KCNV2: variants seen among roughly 807,000 people sequenced by gnomAD.
The protein encoded by KCNV2 is potassium voltage-gated channel subfamily V member 2.
KCNV2 carries 65 observed loss-of-function variants against 37.0 expected under a neutral mutation model. The ratio of observed to expected loss-of-function variants is 1.76; its 90% CI spans 1.44 to 2.16. The LOEUF (loss-of-function observed/expected upper bound fraction) is 2.16. KCNV2 is among the 30% of genes most tolerant of loss of function. The pLI, the probability that KCNV2 is intolerant of heterozygous loss-of-function variation, is 0.00. For missense variants in KCNV2, 1,232 were observed against 766.7 expected (o/e 1.61, Z -7.17); for synonymous variants, 518 against 328.6 (o/e 1.58, Z -6.23).
rs749834841 is a variant in KCNV2 at position 2,718,418 on chromosome 9, G to A, written c.679G>A (p.Glu227Lys). 6.9e-6 allele frequency: 11 copies of A among 1,603,660 alleles called. No homozygotes were observed. The African/African-American group carries it at 1.1e-4, about 16-fold the overall frequency. ...CGAGCTGCGCGCGCAGGCGCAGGTC[G>A]AGGAGGCGGAGGAACTCTTCCGCGA... is the stretch of plus-strand genomic sequence containing the variant. ...QHELRAQAQV[E>K]EAEELFRDMR... Residue 227 changes from glutamate (E) to lysine (K), a missense_variant, in exon 1 of 2, where the codon GAG becomes AAG. Physicochemically the swap from Glu to Lys is moderately conservative, Grantham distance 56. Coordinates refer to ENST00000382082, the MANE Select transcript of KCNV2 (RefSeq NM_133497.4).
In KCNV2 at chr9:2,718,472, C is replaced by A. The variant is rs750673505; in HGVS notation, c.733C>A (p.Arg245Ser). ...GCGCTTCTACGGCCCGCAGCGGCGC[C>A]GCCTCTGGAACCTCATGGAGAAGCC... ...DMRFYGPQRR[R>S]LWNLMEKPFS... Residue 245 changes from arginine (R) to serine (S), a missense_variant, in exon 1 of 2, where the codon CGC becomes AGC. Transcript: ENST00000382082. 6.2e-7 allele frequency: 1 copy of A among 1,609,706 alleles called. No individual in the cohort carries two copies. Among genetic ancestry groups the A allele is most frequent in the Non-Finnish European group, 8.5e-7 (1 of 1,178,706 alleles).
At position 2,718,662 on chromosome 9, in the gene KCNV2, T is replaced by C. The variant is rs747692514; in HGVS notation, c.923T>C (p.Leu308Pro). ...LRPILEHVEM[L>P]CMGFFTLEYL... ...CCCATCCTGGAGCACGTGGAGATGC[T>C]GTGCATGGGCTTCTTCACGCTCGAG... Residue 308 changes from leucine (L) to proline (P), a missense_variant, in exon 1 of 2, where the codon CTG (leucine) becomes CCG (proline). Coordinates refer to ENST00000382082, the MANE Select transcript of KCNV2 (RefSeq NM_133497.4). 2.5e-6 allele frequency: 4 copies of C among 1,613,238 alleles called. No individual in the cohort carries two copies. Among genetic ancestry groups the C allele is most frequent in the East Asian group, 2.2e-5 (1 of 44,864 alleles).
chr9:2,724,886 G>A (rs1819944835), intron 1 of KCNV2, among the ~76,000 whole-genome samples: 1 of 152,222 alleles, frequency 6.6e-6, no homozygotes, highest in Admixed American at 6.5e-5. Context: ...TTGGGACTAA[G>A]AGACAACATA....
Position 2,718,443 on chromosome 9 carries a change from A to C in KCNV2, c.704A>C (p.Asp235Ala). ...QVEEAEELFR[D>A]MRFYGPQRRR... ...GAGGAGGCGGAGGAACTCTTCCGCG[A>C]CATGCGCTTCTACGGCCCGCAGCGG... is the stretch of plus-strand genomic sequence containing the variant. The change falls in exon 1 of 2, where the codon GAC (aspartate) becomes GCC (alanine). Residue 235 changes from aspartate to alanine, a missense_variant. By Grantham distance (126) the Asp-to-Ala change is moderately radical. Transcript: ENST00000382082. 4.4e-6 allele frequency: 7 copies of C among 1,607,382 alleles called. No homozygotes were observed. Among genetic ancestry groups the C allele is most frequent in the Non-Finnish European group, 5.9e-6 (7 of 1,177,632 alleles).
chr9:2,727,568 G>A (rs1021056795), intron 1 of KCNV2, among the ~76,000 whole-genome samples: 1 of 152,198 alleles, frequency 6.6e-6, no homozygotes, highest in African/African-American at 2.4e-5. Flanking sequence ...GGCAGAGTCA[G>A]GGAGGAGCTT....
In KCNV2 at chr9:2,729,623, C is replaced by CT. The variant is rs1563800851; in HGVS notation, c.1534_1535insT (p.Arg512LeufsTer19). 6.2e-7 allele frequency: 1 copy of CT among 1,613,978 alleles called. No homozygotes were observed. The highest frequency in any genetic ancestry group is 8.5e-7 in the Non-Finnish European group (1 of 1,179,958). ...GAAGGCTTATGAGTATACCACCATA[C>CT]GCAGGGAGAGGGGAGAGGTGAACTT... is the stretch of plus-strand genomic sequence containing the variant. On this transcript the variant is annotated frameshift_variant, in exon 2 of 2. Coordinates refer to ENST00000382082, the MANE Select transcript of KCNV2 (RefSeq NM_133497.4). LOFTEE classifies it high-confidence loss of function.
At chr9:2,719,476 T>C (rs113031517) in intron 1 of KCNV2, among the ~76,000 whole-genome samples, 1 of 152,062 alleles carries the variant, frequency 6.6e-6, no homozygotes, top group African/African-American at 2.4e-5. Context: ...ACCACCATTT[T>C]TTTTTAAGGG....
Position 2,717,811 on chromosome 9 carries a change from C to T in KCNV2, c.72C>T (p.Ser24=). Residue 24 remains serine (S), a synonymous_variant, in exon 1 of 2, where the codon AGC becomes AGT. Transcript: ENST00000382082. ...RPWNTTENEG[S]QHRRSICSLG... ...GGAACACGACGGAGAATGAGGGCAG[C>T]CAACACCGCAGGAGCATTTGCTCCC... is the stretch of plus-strand genomic sequence containing the variant. 6.2e-7 allele frequency: 1 copy of T among 1,614,244 alleles called. No homozygotes were observed.
At position 2,717,686 on chromosome 9, in the gene KCNV2, A is replaced by C. The variant is rs2130859811; in HGVS notation, c.-54A>C. On this transcript the variant is annotated 5_prime_UTR_variant, in exon 1 of 2. Transcript: ENST00000382082. The stretch of plus-strand genomic sequence containing the variant: ...TCCTCCTAGAGGCAGTGAGCAGGTG[A>C]GGGACCCCTACCACAGCCAGGAGGA... 1.9e-6 allele frequency: 3 copies of C among 1,611,660 alleles called. No homozygotes were observed. The highest frequency in any genetic ancestry group is 2.5e-6 in the Non-Finnish European group (3 of 1,178,376).
At position 2,729,633 on chromosome 9, in the gene KCNV2, G is replaced by C. The variant is rs1368710020; in HGVS notation, c.1544G>C (p.Arg515Thr). 6.2e-7 allele frequency: 1 copy of C among 1,614,108 alleles called. No individual in the cohort carries two copies. Among genetic ancestry groups the C allele is most frequent in the Non-Finnish European group, 8.5e-7 (1 of 1,180,004 alleles). Residue 515 changes from arginine to threonine, a missense_variant, in exon 2 of 2, where the codon AGG becomes ACG. Arg to Thr is a moderately conservative substitution (Grantham distance 71). Coordinates refer to ENST00000382082, the MANE Select transcript of KCNV2 (RefSeq NM_133497.4). ...GAGTATACCACCATACGCAGGGAGA[G>C]GGGAGAGGTGAACTTCATGCAGAGA... ...AYEYTTIRRE[R>T]GEVNFMQRAR...
intron 1 of KCNV2, 129 bp from the exon 2 acceptor site, chr9:2,729,317 C>A: frequency 1.0e-6 from 1 of 971,498 alleles, no homozygotes; most frequent in Non-Finnish European, 1.6e-6. Context: ...CTAAAGCAGG[C>A]TCCGTGGGAA....
At chr9:2,719,730 G>A (rs1041095851) in intron 1 of KCNV2, among the ~76,000 whole-genome samples, 1 of 152,246 alleles carries the variant, frequency 6.6e-6, no homozygotes. Flanking sequence ...GAGTTTGAAT[G>A]TGGACTCACA....
intron 1 of KCNV2, among the ~76,000 whole-genome samples, chr9:2,721,001 A>G (rs1364538978): frequency 6.6e-6 from 1 of 152,170 alleles, no homozygotes; most frequent in African/African-American, 2.4e-5. Flanking sequence ...ATCTCTTTTT[A>G]TGTTAACTGG....
intron 1 of KCNV2, among the ~76,000 whole-genome samples, chr9:2,726,492 AAAAAAAAG>A (rs1449690835): frequency 6.6e-6 from 1 of 152,136 alleles, no homozygotes; most frequent in Non-Finnish European, 1.5e-5. Context: ...GTTCAGCCAA[AAAAAAAAG>A]AAGTTTGGCT....
At chr9:2,720,721 G>A (rs1819850964) in intron 1 of KCNV2, among the ~76,000 whole-genome samples, 1 of 152,166 alleles carries the variant, frequency 6.6e-6, no homozygotes, top group African/African-American at 2.4e-5. Flanking sequence ...GTGCATGAAG[G>A]CACTGGAGCT....
chr9:2,727,598 C>T (rs2130867946), intron 1 of KCNV2, among the ~76,000 whole-genome samples: 1 of 152,194 alleles, frequency 6.6e-6, no homozygotes, highest in South Asian at 2.1e-4. Flanking sequence ...GCCTGAGGGT[C>T]TGATAAGCAT....
chr9:2,728,696 T>C (rs950564324), intron 1 of KCNV2, among the ~76,000 whole-genome samples: 2 of 152,136 alleles, frequency 1.3e-5, no homozygotes, highest in East Asian at 1.9e-4. Flanking sequence ...ATAAAGTCTC[T>C]CATTTGAACT....
rs759241107 is a variant in KCNV2 at position 2,718,118 on chromosome 9, G to A, written c.379G>A (p.Ala127Thr). 4 of 1,602,146 alleles carry A rather than the reference G, an allele frequency of 2.5e-6. No homozygotes were observed. The highest frequency in any genetic ancestry group is 1.7e-5 in the Admixed American group (1 of 57,432). Residue 127 changes from alanine (A) to threonine (T), a missense_variant, in exon 1 of 2, where the codon GCC (alanine) becomes ACC (threonine). By Grantham distance (58) the Ala-to-Thr change is moderately conservative. Transcript: ENST00000382082. ...GFPKTRLGRL[A>T]TSTSRSRQLS... ...CCCCAAGACGCGCCTAGGTCGCCTG[G>A]CCACCTCCACCAGCCGCAGCCGCCA... is the stretch of plus-strand genomic sequence containing the variant.
chr9:2,722,802 A>G (rs1819903121), intron 1 of KCNV2, among the ~76,000 whole-genome samples: 1 of 152,112 alleles, frequency 6.6e-6, no homozygotes, highest in Non-Finnish European at 1.5e-5. Flanking sequence ...ACTCATTCAC[A>G]TGCCTGATGG....
Sources: gnomAD v4.1 joint callset for allele counts (sites outside exome capture counted in the v4.1 genomes callset) on GRCh38, gnomAD v4.1.1 for gene constraint, MANE v1.5 for transcripts, NCBI Gene and HGNC (gene_info 2026-07-23, HGNC 2026-07-21) for gene names.